ACAP1: variants seen among roughly 807,000 people sequenced by gnomAD.
The protein encoded by ACAP1 is arf-GAP with coiled-coil, ANK repeat and PH domain-containing protein 1.
ACAP1 carries 45 observed loss-of-function variants against 98.8 expected under a neutral mutation model. That is an observed-to-expected ratio of 0.46 (90% CI 0.36 to 0.58). The LOEUF (loss-of-function observed/expected upper bound fraction) is 0.58. Among genes scored for constraint, ACAP1 ranks in the 20% least tolerant of loss-of-function variants. ACAP1 has a pLI of 0.00. For synonymous variants in ACAP1, 362 were observed against 375.3 expected (o/e 0.96, Z 0.41); for missense variants, 735 against 971.4 (o/e 0.76, Z 3.24).
Position 7,350,377 on chromosome 17 carries a change from G to C in ACAP1, c.2072+140G>C. 1 of 705,920 alleles carries C rather than the reference G, an allele frequency of 1.4e-6. No individual in the cohort carries two copies. The highest frequency in any genetic ancestry group is 2.7e-5 in the East Asian group (1 of 36,896). 43.7% of individuals were successfully genotyped at this position (705,920 alleles called of 1,614,324 possible). A position where few individuals can be genotyped will look rare whatever the true frequency, so the allele number is the denominator to read the frequency against. On this transcript the variant is annotated intron_variant, in intron 20 of 21. Transcript: ENST00000158762. The surrounding 1 kb of genome is among the most constrained non-coding windows in gnomAD (Gnocchi z 4.6). ...TCGGAAAGGGGCTGGGCCAGCGCCGGGGCCAGGCTCGAGAAAGGCTGCGCG... is the reference window on the plus strand; with the variant it reads ...TCGGAAAGGGGCTGGGCCAGCGCCGCGGCCAGGCTCGAGAAAGGCTGCGCG...
chr17:7,340,077 ATAGCAAG>A (rs2073260946), intron 2 of ACAP1, among the ~76,000 whole-genome samples: 1 of 152,094 alleles, frequency 6.6e-6, no homozygotes, highest in Admixed American at 6.6e-5. Context: ...CCTGGGCAAC[ATAGCAAG>A]ACCCTTGTCT....
In ACAP1 at chr17:7,348,546, GCA is replaced by G. The variant is rs1475856536; in HGVS notation, c.1678+74_1678+75del. 4 of 1,423,016 alleles carry G rather than the reference GCA, an allele frequency of 2.8e-6. No individual in the cohort carries two copies. In the South Asian group the frequency reaches 4.7e-5, roughly 17 times the overall value. The allele number at this position is 1,423,016 out of a possible 1,614,324, so 88.1% of individuals were successfully genotyped here. A position where few individuals can be genotyped will look rare whatever the true frequency, so the allele number is the denominator to read the frequency against. Reference sequence around the variant, plus strand: ...GCATCGTGCCAGGTAGCGCCGGGAGGCACAGAGTGTGAAGCCCAGGCCTTCCG... The same window carrying G: ...GCATCGTGCCAGGTAGCGCCGGGAGGCAGAGTGTGAAGCCCAGGCCTTCCG... On this transcript the variant is annotated intron_variant, in intron 17 of 21. Transcript: ENST00000158762.
rs1253636524 is a variant in ACAP1 at position 7,350,702 on chromosome 17, G to A, written c.2073-248G>A. 2.4e-5 allele frequency: 11 copies of A among 465,852 alleles called. No homozygotes were observed. The highest frequency in any genetic ancestry group is 2.2e-4 in the Admixed American group (6 of 27,518). 28.9% of individuals were successfully genotyped at this position (465,852 alleles called of 1,614,324 possible). ...CGGCTCACTGCAACCCCCGCCTCCC[G>A]GGTTCAAGCGATTCTCCTGTCTCAG... On this transcript the variant is annotated intron_variant, in intron 20 of 21. Transcript: ENST00000158762. The surrounding 1 kb of genome is among the most constrained non-coding windows in gnomAD (Gnocchi z 4.6).
Position 7,342,334 on chromosome 17 carries a change from T to C in ACAP1, c.285+6T>C, listed in dbSNP as rs1183556868. 2 of 1,613,900 alleles carry C rather than the reference T, an allele frequency of 1.2e-6. No individual in the cohort carries two copies. The highest frequency in any genetic ancestry group is 1.7e-6 in the Non-Finnish European group (2 of 1,180,000). On this transcript the variant is annotated splice_donor_region_variant and intron_variant, in intron 4 of 21. Transcript: ENST00000158762. The stretch of plus-strand genomic sequence containing the variant: ...ACAAGCTGGACAGCCATGCGGTAAG[T>C]AGGGGAAGGTAAGGATTGTCGGGGT...
Position 7,350,265 on chromosome 17 carries a change from G to C in ACAP1, c.2072+28G>C, listed in dbSNP as rs767766243. ...AAGAATGCCTGAAGGGGCGGGGCTG[G>C]CGCTGGGACTCCCCCCACCCCCGCC... On this transcript the variant is annotated intron_variant, in intron 20 of 21. Coordinates refer to ENST00000158762, the MANE Select transcript of ACAP1 (RefSeq NM_014716.4). The surrounding 1 kb of genome is among the most constrained non-coding windows in gnomAD (Gnocchi z 4.6). 3 of 1,590,016 alleles carry C rather than the reference G, an allele frequency of 1.9e-6. No homozygotes were observed. Among genetic ancestry groups the C allele is most frequent in the Non-Finnish European group, 2.6e-6 (3 of 1,159,992 alleles).
chr17:7,349,083 T>C lies in ACAP1; in HGVS notation c.1767T>C (p.Ala589=). 1 of 1,614,062 alleles carries C rather than the reference T, an allele frequency of 6.2e-7. No individual in the cohort carries two copies. Among genetic ancestry groups the C allele is most frequent in the Non-Finnish European group, 8.5e-7 (1 of 1,180,002 alleles). The change falls in exon 18 of 22, where the codon GCT becomes GCC. Residue 589 remains alanine, a synonymous_variant. Transcript: ENST00000158762. ...SGHPPSLPTM[A]DALAHGADVN... ...ATCCTCCATCTCTTCCCACCATGGCTGATGCCCTTGCCCATGGAGCTGATG... is the reference window on the plus strand; with the variant it reads ...ATCCTCCATCTCTTCCCACCATGGCCGATGCCCTTGCCCATGGAGCTGATG...
intron 2 of ACAP1, among the ~76,000 whole-genome samples, chr17:7,341,510 G>A (rs182680960): frequency 2.0e-5 from 3 of 152,278 alleles, no homozygotes; most frequent in African/African-American, 7.2e-5. Context: ...CCAAAGGGTT[G>A]GGATTACAGG....
At chr17:7,347,839 C>T in intron 14 of ACAP1, 83 bp from the exon 15 acceptor site, 4 of 1,232,302 alleles carry the variant, frequency 3.2e-6, no homozygotes, top group East Asian at 2.3e-5. Flanking sequence ...AGCCTTGCCT[C>T]CCAGTGTCTT....
In ACAP1 at chr17:7,341,931, C is replaced by T; in HGVS notation, c.112-17C>T. On this transcript the variant is annotated splice_polypyrimidine_tract_variant and intron_variant, in intron 2 of 21. Transcript: ENST00000158762. The stretch of plus-strand genomic sequence containing the variant: ...AGGATGATGGCACAGCTCCCTGTTA[C>T]CCTCCTTCTTTCCCAGCTCCTGAAA... 3.1e-6 allele frequency: 5 copies of T among 1,613,890 alleles called. No individual in the cohort carries two copies. Among genetic ancestry groups the T allele is most frequent in the Non-Finnish European group, 4.2e-6 (5 of 1,179,858 alleles).
Position 7,336,567 on chromosome 17 carries a change from G to T in ACAP1, c.-168G>T. The T allele has an allele frequency of 1.5e-6, 1 of 681,962 alleles. No homozygotes were observed. The highest frequency in any genetic ancestry group is 1.8e-5 in the African/African-American group (1 of 56,454). 42.2% of individuals were successfully genotyped at this position (681,962 alleles called of 1,614,324 possible). A position where few individuals can be genotyped will look rare whatever the true frequency, so the allele number is the denominator to read the frequency against. ...AGTGTGGGGTGAGAGCTCCTCCTAGGACACCCCTTTCCCCTTGGGGAAAGA... is the reference window on the plus strand; with the variant it reads ...AGTGTGGGGTGAGAGCTCCTCCTAGTACACCCCTTTCCCCTTGGGGAAAGA... On this transcript the variant is annotated 5_prime_UTR_variant, in exon 1 of 22. Transcript: ENST00000158762.
At chr17:7,342,251 CTT>C in intron 3 of ACAP1, 22 bp from the exon 4 acceptor site, 1 of 1,613,724 alleles carries the variant, frequency 6.2e-7, no homozygotes, top group Non-Finnish European at 8.5e-7. Flanking sequence ...GCCTGGTACT[CTT>C]TCTGTGCCTC....
At chr17:7,348,591 G>C (rs2073371212) in intron 17 of ACAP1, 116 bp downstream of exon 17, 15 of 1,201,902 alleles carry the variant, frequency 1.2e-5, no homozygotes, top group Non-Finnish European at 1.7e-5. Flanking sequence ...ATGTCGGAGG[G>C]ACCGGACTGC....
Position 7,344,243 on chromosome 17 carries a change from C to A in ACAP1, c.744+120C>A. The A allele has an allele frequency of 3.4e-6, 4 of 1,179,624 alleles. No individual in the cohort carries two copies. Among genetic ancestry groups the A allele is most frequent in the Non-Finnish European group, 4.8e-6 (4 of 830,346 alleles). 73.1% of individuals were successfully genotyped at this position (1,179,624 alleles called of 1,614,324 possible). ...CCTAGGCATCGTAGTGAAACTCCAT[C>A]TCTACAGAAAATTTTAAAATTAGCT... On this transcript the variant is annotated intron_variant, in intron 9 of 21. Coordinates refer to ENST00000158762, the MANE Select transcript of ACAP1 (RefSeq NM_014716.4). The surrounding 1 kb of genome is among the most constrained non-coding windows in gnomAD (Gnocchi z 4.9).
Position 7,344,513 on chromosome 17 carries a change from G to A in ACAP1, c.745-26G>A, listed in dbSNP as rs2073328440. ...GCCTTGGTGTCTGCCCATCTCAGTT[G>A]CCCTTTGATCCTCTTGTGCCTCCAG... On this transcript the variant is annotated intron_variant, in intron 9 of 21. Transcript: ENST00000158762. The surrounding 1 kb of genome is among the most constrained non-coding windows in gnomAD (Gnocchi z 4.9). The A allele has an allele frequency of 1.1e-5, 16 of 1,516,444 alleles. No homozygotes were observed. The highest frequency in any genetic ancestry group is 1.4e-5 in the Non-Finnish European group (16 of 1,116,148). The allele number at this position is 1,516,444 out of a possible 1,614,324, so 93.9% of individuals were successfully genotyped here.
Position 7,341,974 on chromosome 17 carries a change from G to T in ACAP1, c.138G>T (p.Leu46=). The T allele has an allele frequency of 6.2e-7, 1 of 1,614,162 alleles. No individual in the cohort carries two copies. Among genetic ancestry groups the T allele is most frequent in the Non-Finnish European group, 8.5e-7 (1 of 1,180,018 alleles). Residue 46 remains leucine, a synonymous_variant, in exon 3 of 22, where the codon CTG becomes CTT. Coordinates refer to ENST00000158762, the MANE Select transcript of ACAP1 (RefSeq NM_014716.4). ...EKLLKLGTGL[L]ESGRHYLAAS... ...TCCTGAAACTGGGCACTGGTCTCCT[G>T]GAAAGTGGGCGCCATTACCTTGCTG...
Position 7,350,757 on chromosome 17 carries a change from T to A in ACAP1, c.2073-193T>A. ...CCCTGAGTAGCTGGGACTACAGGCG[T>A]GCGCCACCACCCCCGGCTAATTTTT... is the stretch of plus-strand genomic sequence containing the variant. On this transcript the variant is annotated intron_variant, in intron 20 of 21. Coordinates refer to ENST00000158762, the MANE Select transcript of ACAP1 (RefSeq NM_014716.4). The surrounding 1 kb of genome is among the most constrained non-coding windows in gnomAD (Gnocchi z 4.6). 1.8e-6 allele frequency: 1 copy of A among 544,716 alleles called. No homozygotes were observed. The highest frequency in any genetic ancestry group is 2.0e-5 in the South Asian group (1 of 51,246). 33.7% of individuals were successfully genotyped at this position (544,716 alleles called of 1,614,324 possible).
Position 7,350,453 on chromosome 17 carries a change from T to G in ACAP1, c.2072+216T>G, listed in dbSNP as rs959123968. ...AAGGCAGGCGGGAGGGCGGGCAGGG[T>G]GCAAGGATGCTTGGCCCACCCTGAG... On this transcript the variant is annotated intron_variant, in intron 20 of 21. Coordinates refer to ENST00000158762, the MANE Select transcript of ACAP1 (RefSeq NM_014716.4). The surrounding 1 kb of genome is among the most constrained non-coding windows in gnomAD (Gnocchi z 4.6). The G allele has an allele frequency of 3.5e-6, 2 of 570,870 alleles. No individual in the cohort carries two copies. The highest frequency in any genetic ancestry group is 3.8e-5 in the African/African-American group (2 of 52,872). The allele number at this position is 570,870 out of a possible 1,614,324, so 35.4% of individuals were successfully genotyped here.
At position 7,344,988 on chromosome 17, in the gene ACAP1, AAG is replaced by A. The variant is rs1300061393; in HGVS notation, c.854+343_854+344del. Reference sequence around the variant, plus strand: ...GGGGAAGAAAGTTCTAGACAGAAGAAAGAGCCAGTGCCAAGGCCCTGAGATAG... The same window carrying A: ...GGGGAAGAAAGTTCTAGACAGAAGAAAGCCAGTGCCAAGGCCCTGAGATAG... On this transcript the variant is annotated intron_variant, in intron 10 of 21. Coordinates refer to ENST00000158762, the MANE Select transcript of ACAP1 (RefSeq NM_014716.4). This position sits in a 1 kb window ranked among gnomAD's most constrained non-coding sequence, Gnocchi z 4.9. 6.6e-6 allele frequency among the ~76,000 whole-genome samples: 1 copy of A among 152,168 alleles called. No individual in the cohort carries two copies. The highest frequency in any genetic ancestry group is 1.5e-5 in the Non-Finnish European group (1 of 68,026).
Position 7,348,954 on chromosome 17 carries a change from C to T in ACAP1, c.1679-41C>T, listed in dbSNP as rs77556394. ...CTGCTGAGGGTTTTCTTCCCAGACT[C>T]GGAGCTGCTTCCCCCTAACAGAACC... On this transcript the variant is annotated intron_variant, in intron 17 of 21. Transcript: ENST00000158762. The T allele has an allele frequency of 6.5e-3, 10,251 of 1,585,822 alleles. 30 individuals carry two copies. The highest frequency in any genetic ancestry group is 7.6e-3 in the Non-Finnish European group (8,781 of 1,159,668).
Sources: gnomAD v4.1 joint callset for allele counts (sites outside exome capture counted in the v4.1 genomes callset) on GRCh38, gnomAD v4.1.1 for gene constraint, Gnocchi (gnomAD v3.1) non-coding constraint, MANE v1.5 for transcripts, NCBI Gene and HGNC (gene_info 2026-07-23, HGNC 2026-07-21) for gene names.